Variants in INVS observed in about 807,000 individuals in gnomAD.
INVS encodes the protein inversion of embryo turning homolog.
Under a neutral mutation model 108.8 loss-of-function variants are expected in INVS, and 86 were observed. That is an observed-to-expected ratio of 0.79 (90% CI 0.66 to 0.95). INVS has a LOEUF of 0.95. INVS is among the 40% of genes least tolerant of loss of function. INVS has a pLI of 0.00. For synonymous variants in INVS, 455 were observed against 473.5 expected (o/e 0.96, Z 0.51); for missense variants, 1,169 against 1,297.4 (o/e 0.90, Z 1.52).
chr9:100,145,346 G>A (rs867486862), intron 3 of INVS, among the ~76,000 whole-genome samples: 12 of 151,586 alleles, frequency 7.9e-5, no homozygotes, highest in South Asian at 2.1e-4. Context: ...GGATCAGGGC[G>A]CAGAGATAAG....
In INVS at chr9:100,302,090, A is replaced by G. The variant is rs189132127; in HGVS notation, c.*1416A>G. 2.3e-5 allele frequency: 16 copies of G among 695,228 alleles called. No homozygotes were observed. The highest frequency in any genetic ancestry group is 3.4e-5 in the Non-Finnish European group (15 of 435,984). 43.1% of individuals were successfully genotyped at this position (695,228 alleles called of 1,614,324 possible). A position where few individuals can be genotyped will look rare whatever the true frequency, so the allele number is the denominator to read the frequency against. ...AGAAAGAAGGTTCGTAAACTTCTTT[A>G]AAAGTTCAGCTTTAATGACAAAGAT... On this transcript the variant is annotated 3_prime_UTR_variant, in exon 17 of 17. Coordinates refer to ENST00000262457, the MANE Select transcript of INVS (RefSeq NM_014425.5).
chr9:100,297,857 C>A, intron 15 of INVS, 79 bp from the exon 16 acceptor site: 2 of 1,422,460 alleles, frequency 1.4e-6, no homozygotes, highest in Non-Finnish European at 2.0e-6. Flanking sequence ...AAGCCTTTAC[C>A]ACAATAAGGA....
At chr9:100,174,019 A>T (rs543926602) in intron 3 of INVS, among the ~76,000 whole-genome samples, 1 of 152,364 alleles carries the variant, frequency 6.6e-6, no homozygotes, top group East Asian at 1.9e-4. Flanking sequence ...AGAATCCAGA[A>T]TCTTTACAAC....
chr9:100,108,482 T>C (rs1292064553), intron 2 of INVS, among the ~76,000 whole-genome samples: 1 of 152,242 alleles, frequency 6.6e-6, no homozygotes. Flanking sequence ...TCATCTTAAA[T>C]TTCAATGTAA....
At chr9:100,179,652 A>G (rs1200509902) in intron 3 of INVS, among the ~76,000 whole-genome samples, 2 of 152,158 alleles carry the variant, frequency 1.3e-5, no homozygotes, top group Non-Finnish European at 2.9e-5. Flanking sequence ...GCAAGTTCTC[A>G]GAGACCTACA....
intron 3 of INVS, among the ~76,000 whole-genome samples, chr9:100,157,126 GA>G (rs1334769610): frequency 2.0e-5 from 3 of 150,484 alleles, no homozygotes; most frequent in Admixed American, 6.6e-5. Context: ...ACTGTTAACT[GA>G]AAAAAAAGCT....
At chr9:100,226,039 A>G (rs1564165747) in intron 3 of INVS, 23 bp from the exon 4 acceptor site, 1 of 1,575,588 alleles carries the variant, frequency 6.3e-7, no homozygotes, top group South Asian at 1.1e-5. Context: ...TTTTTTTCTT[A>G]TCATCTCTTG....
chr9:100,277,912 G>A (rs1257924436), intron 12 of INVS, among the ~76,000 whole-genome samples: 4 of 152,056 alleles, frequency 2.6e-5, no homozygotes, highest in Admixed American at 6.6e-5. Flanking sequence ...AACAGAAGTG[G>A]AATTATCATC....
At chr9:100,259,298 C>T (rs910388543) in intron 10 of INVS, among the ~76,000 whole-genome samples, 1 of 152,088 alleles carries the variant, frequency 6.6e-6, no homozygotes, top group African/African-American at 2.4e-5. Context: ...GGGAGTGTCC[C>T]GATTTTCCAG....
intron 3 of INVS, among the ~76,000 whole-genome samples, chr9:100,187,229 C>A (rs1052982979): frequency 1.3e-5 from 2 of 152,112 alleles, no homozygotes; most frequent in East Asian, 1.9e-4. Flanking sequence ...ATTTTCATAC[C>A]AGTACCATGT....
At chr9:100,225,929 A>AT in intron 3 of INVS, 133 bp from the exon 4 acceptor site, 1 of 651,164 alleles carries the variant, frequency 1.5e-6, no homozygotes, top group Non-Finnish European at 2.6e-6. Context: ...AATTACAAGC[A>AT]TTTTTCCTTA....
At chr9:100,243,399 A>G (rs1831941680) in intron 7 of INVS, among the ~76,000 whole-genome samples, 1 of 152,234 alleles carries the variant, frequency 6.6e-6, no homozygotes, top group African/African-American at 2.4e-5. Flanking sequence ...ATACCTTAGC[A>G]TAGAGCAGGT....
intron 12 of INVS, among the ~76,000 whole-genome samples, chr9:100,279,189 TATAG>T (rs1201049699): frequency 1.3e-5 from 2 of 152,196 alleles, no homozygotes; most frequent in African/African-American, 4.8e-5. Context: ...ATATTACAAA[TATAG>T]ATAAATATTA....
chr9:100,132,549 T>C (rs1353669421), intron 3 of INVS, among the ~76,000 whole-genome samples: 1 of 152,214 alleles, frequency 6.6e-6, no homozygotes, highest in East Asian at 1.9e-4. Flanking sequence ...GAGAAATTTA[T>C]TCTCAAGGAC....
intron 12 of INVS, among the ~76,000 whole-genome samples, chr9:100,273,966 C>T (rs971560579): frequency 2.0e-5 from 3 of 152,130 alleles, no homozygotes; most frequent in African/African-American, 7.2e-5. Context: ...ACTAAAAAAG[C>T]AAAATCCCCC....
At chr9:100,150,350 A>G (rs1004670514) in intron 3 of INVS, among the ~76,000 whole-genome samples, 1 of 152,244 alleles carries the variant, frequency 6.6e-6, no homozygotes, top group East Asian at 1.9e-4. Context: ...TCTGCTTTCC[A>G]TGAATAGATC....
intron 3 of INVS, among the ~76,000 whole-genome samples, chr9:100,198,483 G>T (rs956915362): frequency 6.6e-6 from 1 of 150,958 alleles, no homozygotes; most frequent in Non-Finnish European, 1.5e-5. Context: ...TAGAGACGGG[G>T]TTTCTCCATG....
At chr9:100,256,987 C>A (rs186639945) in intron 10 of INVS, among the ~76,000 whole-genome samples, 80 of 152,262 alleles carry the variant, frequency 5.3e-4, no homozygotes, top group African/African-American at 1.6e-3. Flanking sequence ...TCTTGTTGAT[C>A]TGTCTAATGT....
In INVS at chr9:100,296,989, G is replaced by A; in HGVS notation, c.2859G>A (p.Trp953Ter). ...KQLGAGDVDR[W>*]RQESTALLLQ... is the part of the protein sequence containing the mutation. ...TTGGAGCTGGAGATGTGGACAGATGGAGGCAAGAGTCTACAGCATTGCTCC... is the reference window on the plus strand; with the variant it reads ...TTGGAGCTGGAGATGTGGACAGATGAAGGCAAGAGTCTACAGCATTGCTCC... The change falls in exon 15 of 17, where the codon TGG becomes TGA. Residue 953 changes from tryptophan to a stop codon, truncating the protein, a stop_gained. Coordinates refer to ENST00000262457, the MANE Select transcript of INVS (RefSeq NM_014425.5). LOFTEE classifies it high-confidence loss of function. 1 of 1,614,086 alleles carries A rather than the reference G, an allele frequency of 6.2e-7. No homozygotes were observed. The highest frequency in any genetic ancestry group is 8.5e-7 in the Non-Finnish European group (1 of 1,180,002).
Sources: allele counts gnomAD v4.1 joint callset (sites outside exome capture counted in the v4.1 genomes callset), GRCh38; gene constraint gnomAD v4.1.1; transcripts MANE v1.5; gene names NCBI Gene and HGNC (gene_info 2026-07-23, HGNC 2026-07-21).